Variants in ARHGEF9 observed in about 807,000 individuals in gnomAD.
ARHGEF9 encodes the protein Cdc42 guanine nucleotide exchange factor 9.
ARHGEF9 carries 2 observed loss-of-function variants against 41.3 expected under a neutral mutation model. The ratio of observed to expected loss-of-function variants is 0.05; its 90% confidence interval spans 0.02 to 0.15. ARHGEF9 has a LOEUF of 0.15. Among genes scored for constraint, ARHGEF9 ranks in the 10% least tolerant of loss-of-function variants. The pLI is 1.00. For missense variants in ARHGEF9, 225 were observed against 424.7 expected (o/e 0.53, Z 4.13); for synonymous variants, 160 against 154.4 (o/e 1.04, Z -0.27).
intron 1 of ARHGEF9, among the ~76,000 whole-genome samples, chrX:63,750,132 A>G (rs1334130185): frequency 7.1e-5 from 8 of 112,106 alleles, no homozygotes; most frequent in Non-Finnish European, 1.3e-4. Flanking sequence ...ATTTTGGGAG[A>G]AAAGGCTCAA....
At chrX:63,714,149 C>T (rs184936452) in intron 2 of ARHGEF9, among the ~76,000 whole-genome samples, 2 of 111,848 alleles carry the variant, frequency 1.8e-5, no homozygotes, top group East Asian at 2.8e-4. Context: ...TCAACACAGA[C>T]GTGTGACCTC....
At chrX:63,645,586 C>A (rs1373983042) in intron 8 of ARHGEF9, among the ~76,000 whole-genome samples, 1 of 112,133 alleles carries the variant, frequency 8.9e-6, no homozygotes, top group Non-Finnish European at 1.9e-5. Context: ...GCATAGTATT[C>A]CATGGTGCAT....
chrX:63,714,969 C>T (rs1426769593), intron 2 of ARHGEF9, among the ~76,000 whole-genome samples: 1 of 111,791 alleles, frequency 8.9e-6, no homozygotes, highest in Non-Finnish European at 1.9e-5. Context: ...TTAGTCGAGG[C>T]TGGAGGTATT....
At chrX:63,670,805 G>A (rs1323777252) in intron 6 of ARHGEF9, among the ~76,000 whole-genome samples, 3 of 112,005 alleles carry the variant, frequency 2.7e-5, no homozygotes, top group African/African-American at 6.5e-5. Flanking sequence ...GCCCTGGGGG[G>A]TGGGGTAAAA....
At chrX:63,752,409 C>T (rs1402637787) in intron 1 of ARHGEF9, among the ~76,000 whole-genome samples, 1 of 111,075 alleles carries the variant, frequency 9.0e-6, no homozygotes, top group Non-Finnish European at 1.9e-5. Context: ...CTGCAGCTGC[C>T]CAGCATAGAG....
In ARHGEF9 at chrX:63,678,534, G is replaced by T; in HGVS notation, c.621C>A (p.Asn207Lys). 1 of 1,204,154 alleles carries T rather than the reference G, an allele frequency of 8.3e-7. No individual in the cohort carries two copies. The highest frequency in any genetic ancestry group is 1.8e-5 in the South Asian group (1 of 55,583). Reference protein sequence around the residue: ...GFWIYSEYCNNHLDACMELSK... With the variant: ...GFWIYSEYCNKHLDACMELSK... Reference sequence around the variant, plus strand: ...AGAGCTCCATGCAAGCATCCAGGTGGTTGTTACAATACTCAGAGTATATCC... The same window carrying T: ...AGAGCTCCATGCAAGCATCCAGGTGTTTGTTACAATACTCAGAGTATATCC... Residue 207 changes from asparagine to lysine, a missense_variant, in exon 5 of 10, where the codon AAC (asparagine) becomes AAA (lysine). This residue lies in a region of ARHGEF9 where 114 missense variants were observed against 197.9 expected (regional missense o/e 0.58). Transcript: ENST00000671741.
intron 8 of ARHGEF9, among the ~76,000 whole-genome samples, chrX:63,645,743 C>T (rs1460006281): frequency 4.5e-5 from 5 of 111,867 alleles, no homozygotes; most frequent in Non-Finnish European, 7.5e-5. Context: ...GGTATATACC[C>T]AGTAATGGGA....
chrX:63,645,678 G>A (rs782111347), intron 8 of ARHGEF9, among the ~76,000 whole-genome samples: 17 of 111,592 alleles, frequency 1.5e-4, no homozygotes, highest in South Asian at 7.5e-4. Context: ...GAATAGTGCC[G>A]CAATAAACAT....
intron 1 of ARHGEF9, among the ~76,000 whole-genome samples, chrX:63,728,475 C>A (rs1236837240): frequency 8.9e-6 from 1 of 111,957 alleles, no homozygotes; most frequent in Non-Finnish European, 1.9e-5. Context: ...CGATTCTGGG[C>A]TTTACTACTT....
intron 7 of ARHGEF9, among the ~76,000 whole-genome samples, chrX:63,658,885 T>C (rs1444299995): frequency 2.7e-5 from 3 of 112,101 alleles, no homozygotes; most frequent in Non-Finnish European, 5.6e-5. Context: ...AACAGATATA[T>C]ATTTGGGGTC....
intron 1 of ARHGEF9, among the ~76,000 whole-genome samples, chrX:63,782,793 C>T (rs1394639909): frequency 8.9e-6 from 1 of 112,222 alleles, no homozygotes; most frequent in Non-Finnish European, 1.9e-5. Context: ...CCAACACATA[C>T]TTCTAGGAAT....
chrX:63,723,394 C>T (rs782392086), intron 2 of ARHGEF9, among the ~76,000 whole-genome samples: 3 of 111,239 alleles, frequency 2.7e-5, no homozygotes, highest in Non-Finnish European at 5.7e-5. Context: ...TGCCATAATT[C>T]TAATATTGGG....
chrX:63,776,396 G>A (rs1235387958), intron 1 of ARHGEF9, among the ~76,000 whole-genome samples: 4 of 112,170 alleles, frequency 3.6e-5, no homozygotes, highest in African/African-American at 1.3e-4. Flanking sequence ...ATAAGCAAAT[G>A]AGTGGGCATG....
chrX:63,738,576 C>T (rs1556424750), intron 1 of ARHGEF9, among the ~76,000 whole-genome samples: 1 of 110,541 alleles, frequency 9.0e-6, no homozygotes. Context: ...ATTCCCCCCA[C>T]CCCACTTCCC....
At chrX:63,734,973 G>C (rs2054523555) in intron 1 of ARHGEF9, among the ~76,000 whole-genome samples, 1 of 111,153 alleles carries the variant, frequency 9.0e-6, no homozygotes, top group Non-Finnish European at 1.9e-5. Context: ...TCTCAAGCTT[G>C]AGGTTACCCT....
At chrX:63,717,499 T>C (rs1486974932) in intron 2 of ARHGEF9, among the ~76,000 whole-genome samples, 2 of 111,776 alleles carry the variant, frequency 1.8e-5, no homozygotes, top group African/African-American at 6.5e-5. Flanking sequence ...AAGAAACTGA[T>C]TCATCCAAAT....
At chrX:63,642,286 T>C (rs2147134333) in intron 9 of ARHGEF9, 1 of 111,435 alleles carries the variant, frequency 9.0e-6, no homozygotes, top group South Asian at 3.8e-4. Flanking sequence ...CACATTTCTG[T>C]CTGAGGAACT....
At chrX:63,738,388 T>G (rs1265508355) in intron 1 of ARHGEF9, among the ~76,000 whole-genome samples, 1 of 112,112 alleles carries the variant, frequency 8.9e-6, no homozygotes, top group Non-Finnish European at 1.9e-5. Flanking sequence ...CATGTGAATA[T>G]ATTTCCTATC....
At chrX:63,666,279 C>T (rs1447675832) in intron 6 of ARHGEF9, among the ~76,000 whole-genome samples, 1 of 106,379 alleles carries the variant, frequency 9.4e-6, no homozygotes, top group Non-Finnish European at 1.9e-5. Context: ...CACCAGTTAC[C>T]CTCTGGTCCT....
Sources: gnomAD v4.1 joint callset for allele counts (sites outside exome capture counted in the v4.1 genomes callset) on GRCh38, gnomAD v4.1.1 for gene constraint, gnomAD v4.1.1 regional missense constraint, MANE v1.5 for transcripts, NCBI Gene and HGNC (gene_info 2026-07-23, HGNC 2026-07-21) for gene names.